PTPRD: variants seen among roughly 807,000 people sequenced by gnomAD.
The protein encoded by PTPRD is receptor-type tyrosine-protein phosphatase delta.
In PTPRD, 34 loss-of-function variants were observed where a neutral mutation model predicts 214.5. The ratio of observed to expected loss-of-function variants is 0.16; its 90% CI spans 0.12 to 0.21. PTPRD has a LOEUF of 0.21. Ranked by LOEUF, PTPRD falls within the 10% of genes least tolerant of loss-of-function variation. The pLI is 1.00. For synonymous variants in PTPRD, 1,128 were observed against 845.7 expected (o/e 1.33, Z -5.79); for missense variants, 2,545 against 2,398.7 (o/e 1.06, Z -1.27).
chr9:10,535,427 C>G (rs967072658), intron 2 of PTPRD, among the ~76,000 whole-genome samples: 1 of 152,036 alleles, frequency 6.6e-6, no homozygotes. Context: ...TACTTACCGT[C>G]GTGAGCTGTT....
In PTPRD at chr9:10,511,996, G is replaced by GTA. The variant is rs371474357; in HGVS notation, c.-600+100400_-600+100401dup. ...TGTGTGTATATATATATACGTGTGT[G>GTA]TATATATATATATACGTGTGTGTAT... On this transcript the variant is annotated intron_variant, in intron 2 of 45. Transcript: ENST00000381196. Among the ~76,000 whole-genome samples the GTA allele has an allele frequency of 1.4e-3, 114 of 81,796 alleles. 1 individual carries two copies. Among genetic ancestry groups the GTA allele is most frequent in the African/African-American group, 1.7e-3 (30 of 17,940 alleles). The allele number at this position is 81,796 out of a possible 152,430, so 53.7% of individuals were successfully genotyped here. A position where few individuals can be genotyped will look rare whatever the true frequency, so the allele number is the denominator to read the frequency against.
At chr9:8,463,878 C>T (rs1028307484) in intron 32 of PTPRD, among the ~76,000 whole-genome samples, 14 of 151,876 alleles carry the variant, frequency 9.2e-5, no homozygotes, top group Non-Finnish European at 1.8e-4. Context: ...GGCTTTATTA[C>T]TGCAAAATGA....
intron 5 of PTPRD, among the ~76,000 whole-genome samples, chr9:9,804,978 C>T (rs982823013): frequency 1.3e-5 from 2 of 151,920 alleles, no homozygotes; most frequent in African/African-American, 4.8e-5. Context: ...ATAGTAACAC[C>T]TTACATTTGT....
chr9:8,697,318 CT>C (rs2097937167), intron 12 of PTPRD, among the ~76,000 whole-genome samples: 1 of 148,040 alleles, frequency 6.8e-6, no homozygotes, highest in Admixed American at 6.8e-5. Flanking sequence ...TCATGGGGCT[CT>C]TTAAATATAT....
intron 5 of PTPRD, among the ~76,000 whole-genome samples, chr9:9,890,549 C>A (rs2072923492): frequency 6.6e-6 from 1 of 151,956 alleles, no homozygotes. Flanking sequence ...GTGGTTTCTG[C>A]CTTTTGATTG....
chr9:9,150,546 A>G (rs1430168795), intron 10 of PTPRD, among the ~76,000 whole-genome samples: 3 of 150,310 alleles, frequency 2.0e-5, no homozygotes, highest in Non-Finnish European at 4.4e-5. Flanking sequence ...CTGGAGTGCA[A>G]TGGTGTGATT....
chr9:8,860,954 T>A (rs2098090981), intron 11 of PTPRD: 1 of 152,150 alleles, frequency 6.6e-6, no homozygotes, highest in Non-Finnish European at 1.5e-5. Context: ...GAGCAATACA[T>A]ATAGAATATT....
At chr9:8,834,089 G>A (rs551745343) in intron 11 of PTPRD, among the ~76,000 whole-genome samples, 1 of 151,832 alleles carries the variant, frequency 6.6e-6, no homozygotes, top group Non-Finnish European at 1.5e-5. Context: ...AGGAATCCTG[G>A]TAGAAATATA....
intron 2 of PTPRD, among the ~76,000 whole-genome samples, chr9:10,442,016 A>G (rs985597412): frequency 6.6e-6 from 1 of 151,618 alleles, no homozygotes; most frequent in African/African-American, 2.4e-5. Flanking sequence ...TTTTTATTTT[A>G]GTATACGCTA....
At chr9:9,454,917 T>C (rs1292870826) in intron 8 of PTPRD, among the ~76,000 whole-genome samples, 1 of 151,510 alleles carries the variant, frequency 6.6e-6, no homozygotes, top group Admixed American at 6.6e-5. Flanking sequence ...AAGCATTTCA[T>C]TGTTTAAATA....
At chr9:9,376,235 A>G (rs1028844737) in intron 9 of PTPRD, among the ~76,000 whole-genome samples, 1 of 152,128 alleles carries the variant, frequency 6.6e-6, no homozygotes, top group African/African-American at 2.4e-5. Flanking sequence ...CTATATGTAT[A>G]GGATAGGTAA....
chr9:8,475,667 C>T (rs979627511), intron 30 of PTPRD, among the ~76,000 whole-genome samples: 3 of 152,160 alleles, frequency 2.0e-5, no homozygotes, highest in African/African-American at 7.2e-5. Context: ...TAACATTGCA[C>T]TACAATCCAT....
chr9:10,082,840 A>ACAAAC (rs1555566891), intron 3 of PTPRD, among the ~76,000 whole-genome samples: 3,079 of 128,224 alleles, frequency 0.024, 78 homozygotes, highest in African/African-American at 0.068. Context: ...CACACACACA[A>ACAAAC]ACACACACAC....
At chr9:9,802,434 T>A (rs931727704) in intron 5 of PTPRD, among the ~76,000 whole-genome samples, 1 of 151,942 alleles carries the variant, frequency 6.6e-6, no homozygotes, top group South Asian at 2.1e-4. Flanking sequence ...AGGCCATAAT[T>A]TGCTCCTAAA....
chr9:8,855,915 G>A (rs1469206798), intron 11 of PTPRD, among the ~76,000 whole-genome samples: 1 of 152,104 alleles, frequency 6.6e-6, no homozygotes, highest in African/African-American at 2.4e-5. Context: ...TTCACACTTT[G>A]AAAGTACAAT....
At chr9:9,715,414 T>A (rs1237095103) in intron 7 of PTPRD, among the ~76,000 whole-genome samples, 5 of 152,104 alleles carry the variant, frequency 3.3e-5, no homozygotes, top group African/African-American at 4.8e-5. Flanking sequence ...AACCTCTCTA[T>A]CATTTCATAA....
intron 5 of PTPRD, among the ~76,000 whole-genome samples, chr9:9,778,823 C>CA (rs1209058251): frequency 6.6e-6 from 1 of 151,872 alleles, no homozygotes; most frequent in Non-Finnish European, 1.5e-5. Flanking sequence ...TCCTACAAAA[C>CA]AACCAAAGTC....
At chr9:9,731,345 G>C (rs1447320689) in intron 7 of PTPRD, among the ~76,000 whole-genome samples, 1 of 152,082 alleles carries the variant, frequency 6.6e-6, no homozygotes, top group Non-Finnish European at 1.5e-5. Context: ...TTTGTAGAGT[G>C]TATCATGATA....
At chr9:9,388,447 C>T (rs903486490) in intron 9 of PTPRD, among the ~76,000 whole-genome samples, 2 of 152,122 alleles carry the variant, frequency 1.3e-5, no homozygotes, top group Admixed American at 1.3e-4. Flanking sequence ...ATCAATATAT[C>T]TAAATGCATA....
Sources: gnomAD v4.1 joint callset for allele counts (sites outside exome capture counted in the v4.1 genomes callset) on GRCh38, gnomAD v4.1.1 for gene constraint, MANE v1.5 for transcripts, NCBI Gene and HGNC (gene_info 2026-07-23, HGNC 2026-07-21) for gene names.